The following DOCK4 variants were observed in gnomAD, a reference collection of about 807,000 sequenced individuals.
The protein encoded by DOCK4 is dedicator of cytokinesis 4, also known as dedicator of cytokinesis protein 4.
In DOCK4, 97 loss-of-function variants were observed where a neutral mutation model predicts 268.1. That is an observed-to-expected ratio of 0.36 (90% confidence interval 0.31 to 0.43). The LOEUF (loss-of-function observed/expected upper bound fraction) is 0.43, where lower values mean the gene tolerates loss of function less well. Ranked by LOEUF, DOCK4 falls within the 20% of genes least tolerant of loss-of-function variation. The pLI is 1.00. For synonymous variants in DOCK4, 954 were observed against 887.2 expected (o/e 1.08, Z -1.34); for missense variants, 2,145 against 2,455.7 (o/e 0.87, Z 2.67).
chr7:111,983,834 GTA>G (rs1491584097), intron 7 of DOCK4, among the ~76,000 whole-genome samples: 2 of 127,828 alleles, frequency 1.6e-5, no homozygotes, highest in African/African-American at 3.5e-5. Flanking sequence ...TATTATGTAT[GTA>G]CACACACACG....
At chr7:111,755,433 A>C (rs1796957672) in intron 42 of DOCK4, 82 bp downstream of exon 42, 7 of 1,350,034 alleles carry the variant, frequency 5.2e-6, no homozygotes, top group Non-Finnish European at 7.4e-6. Flanking sequence ...TCTGGGTCGA[A>C]GGAGAAGTAA....
intron 1 of DOCK4, among the ~76,000 whole-genome samples, chr7:112,129,133 C>G (rs1258890263): frequency 1.3e-5 from 2 of 152,122 alleles, no homozygotes; most frequent in Admixed American, 1.3e-4. Flanking sequence ...TTTACAGTCC[C>G]AAACTGCAAA....
chr7:112,161,428 G>A (rs1028789301), intron 1 of DOCK4, among the ~76,000 whole-genome samples: 1 of 152,128 alleles, frequency 6.6e-6, no homozygotes, highest in Non-Finnish European at 1.5e-5. Context: ...TTCATGTCTG[G>A]CATGGAAAAC....
intron 1 of DOCK4, among the ~76,000 whole-genome samples, chr7:112,006,808 C>A (rs1210639548): frequency 6.6e-6 from 1 of 152,180 alleles, no homozygotes; most frequent in African/African-American, 2.4e-5. Context: ...CCTGCAACAG[C>A]CATCTGATAA....
intron 28 of DOCK4, among the ~76,000 whole-genome samples, chr7:111,809,794 T>C (rs1343531089): frequency 1.3e-5 from 2 of 152,232 alleles, no homozygotes; most frequent in Admixed American, 1.3e-4. Flanking sequence ...TCTTTATTCC[T>C]GTGTGAGTTC....
chr7:112,160,853 G>A (rs953301218), intron 1 of DOCK4, among the ~76,000 whole-genome samples: 1 of 152,192 alleles, frequency 6.6e-6, no homozygotes, highest in African/African-American at 2.4e-5. Flanking sequence ...AGTTTTTCCT[G>A]AGAATGAAGG....
intron 1 of DOCK4, among the ~76,000 whole-genome samples, chr7:112,167,414 G>C (rs1817697974): frequency 6.6e-6 from 1 of 151,946 alleles, no homozygotes; most frequent in Admixed American, 6.6e-5. Context: ...GCTGTATAGT[G>C]GTCAGTCCCA....
chr7:111,778,482 T>C, intron 35 of DOCK4, 113 bp from the exon 36 acceptor site: 1 of 539,802 alleles, frequency 1.9e-6, no homozygotes, highest in Non-Finnish European at 3.2e-6. Context: ...GATTCATTTT[T>C]CCATGTAAAT....
At chr7:112,003,382 T>C (rs1470568026) in intron 2 of DOCK4, among the ~76,000 whole-genome samples, 1 of 152,106 alleles carries the variant, frequency 6.6e-6, no homozygotes, top group Non-Finnish European at 1.5e-5. Context: ...AGGAAGACCC[T>C]GTCTCAAAGA....
At chr7:111,872,150 T>G (rs1806482861) in intron 19 of DOCK4, 60 bp from the exon 20 acceptor site, 2 of 1,443,740 alleles carry the variant, frequency 1.4e-6, no homozygotes, top group South Asian at 2.7e-5. Context: ...TCCTTTTTTT[T>G]TTGCTTCTTT....
At chr7:111,812,765 G>C (rs185402917) in intron 27 of DOCK4, among the ~76,000 whole-genome samples, 1 of 152,314 alleles carries the variant, frequency 6.6e-6, no homozygotes, top group African/African-American at 2.4e-5. Context: ...AGGGTGACAA[G>C]ACTGCCACTA....
chr7:112,134,990 T>A (rs189287420), intron 1 of DOCK4, among the ~76,000 whole-genome samples: 4 of 152,244 alleles, frequency 2.6e-5, no homozygotes, highest in Non-Finnish European at 5.9e-5. Flanking sequence ...TTAAAACATA[T>A]ATGTGTGTGT....
chr7:111,953,451 C>T (rs1796215748), intron 8 of DOCK4, among the ~76,000 whole-genome samples: 1 of 152,140 alleles, frequency 6.6e-6, no homozygotes, highest in South Asian at 2.1e-4. Flanking sequence ...TTCACTGCTT[C>T]TCCTGCATTC....
chr7:112,088,918 G>C (rs534879537), intron 1 of DOCK4, among the ~76,000 whole-genome samples: 1 of 152,126 alleles, frequency 6.6e-6, no homozygotes, highest in Non-Finnish European at 1.5e-5. Flanking sequence ...AGAGCTTACA[G>C]TAACAGCTGG....
At chr7:111,772,099 G>C (rs931919659) in intron 36 of DOCK4, among the ~76,000 whole-genome samples, 2 of 152,352 alleles carry the variant, frequency 1.3e-5, no homozygotes, top group Admixed American at 6.5e-5. Flanking sequence ...CCAGGGGTAA[G>C]AGGAATGGGG....
intron 23 of DOCK4, among the ~76,000 whole-genome samples, chr7:111,851,173 G>A (rs990258923): frequency 2.0e-5 from 3 of 152,076 alleles, no homozygotes; most frequent in Non-Finnish European, 4.4e-5. Context: ...AGCCGGGTGC[G>A]GTGGCTCACA....
At chr7:112,004,281 G>T in intron 1 of DOCK4, 150 bp from the exon 2 acceptor site, 1 of 587,444 alleles carries the variant, frequency 1.7e-6, no homozygotes, top group Non-Finnish European at 2.9e-6. Flanking sequence ...ATCTTTCTAA[G>T]AAAATCACTA....
intron 1 of DOCK4, among the ~76,000 whole-genome samples, chr7:112,079,130 C>T (rs968867636): frequency 1.3e-5 from 2 of 151,984 alleles, no homozygotes; most frequent in East Asian, 1.9e-4. Context: ...CTGTCTCACA[C>T]AAACAAACAA....
intron 42 of DOCK4, among the ~76,000 whole-genome samples, chr7:111,753,118 C>T (rs1014644985): frequency 2.0e-5 from 3 of 151,760 alleles, no homozygotes; most frequent in African/African-American, 7.3e-5. Context: ...CAGTATAGGG[C>T]CATATATGGT....
Sources: gnomAD v4.1 joint callset for allele counts (sites outside exome capture counted in the v4.1 genomes callset) on GRCh38, gnomAD v4.1.1 for gene constraint, MANE v1.5 for transcripts, NCBI Gene and HGNC (gene_info 2026-07-23, HGNC 2026-07-21) for gene names.